Variants in ABCA4 observed in about 807,000 individuals in gnomAD.
ABCA4 encodes retinal-specific phospholipid-transporting ATPase ABCA4.
A neutral mutation model predicts 263.7 loss-of-function variants in ABCA4; 196 were observed. That is an observed-to-expected ratio of 0.74 (90% CI 0.66 to 0.84). ABCA4 has a LOEUF of 0.84. Among genes scored for constraint, ABCA4 ranks in the 40% least tolerant of loss-of-function variants. The probability of loss-of-function intolerance (pLI) is 0.00; values close to 1 mark genes in which losing one functional copy is unlikely to be tolerated. For missense variants in ABCA4, 2,792 were observed against 2,855.1 expected (o/e 0.98, Z 0.50); for synonymous variants, 1,133 against 1,094.2 (o/e 1.04, Z -0.70).
intron 44 of ABCA4, among the ~76,000 whole-genome samples, chr1:94,004,625 G>A (rs1659319624): frequency 6.6e-6 from 1 of 152,162 alleles, no homozygotes; most frequent in Admixed American, 6.5e-5. Flanking sequence ...TTAGTTTGCT[G>A]TCAGTGTTAG....
At chr1:94,101,766 A>C (rs1054135513) in intron 5 of ABCA4, among the ~76,000 whole-genome samples, 1 of 152,204 alleles carries the variant, frequency 6.6e-6, no homozygotes, top group African/African-American at 2.4e-5. Context: ...TGTGTTCATC[A>C]CACTGAAGAA....
At chr1:94,015,888 C>T (rs1386361121) in intron 36 of ABCA4, 34 bp from the exon 37 acceptor site, 2 of 1,564,306 alleles carry the variant, frequency 1.3e-6, no homozygotes, top group Non-Finnish European at 1.7e-6. Flanking sequence ...AGTCACTTAA[C>T]CTCTCAGACC....
intron 6 of ABCA4, among the ~76,000 whole-genome samples, chr1:94,089,610 C>T (rs10874831): frequency 0.27 from 41,482 of 151,782 alleles, 6,052 homozygotes; most frequent in East Asian, 0.5. Flanking sequence ...ACTACAGGTG[C>T]CCACCACATC....
chr1:94,075,800 A>T (rs1287358795), intron 11 of ABCA4, among the ~76,000 whole-genome samples: 1 of 152,120 alleles, frequency 6.6e-6, no homozygotes, highest in Non-Finnish European at 1.5e-5. Flanking sequence ...TGGGAGTATG[A>T]GGTTGAGAAT....
At chr1:94,064,767 C>T (rs760886153) in intron 11 of ABCA4, among the ~76,000 whole-genome samples, 1 of 152,076 alleles carries the variant, frequency 6.6e-6, no homozygotes, top group Admixed American at 6.5e-5. Context: ...GTTTGCCCTG[C>T]GGGACTCAGT....
chr1:94,046,965 T>A lies in ABCA4; in HGVS notation c.2872A>T (p.Ile958Phe). 1 of 1,614,120 alleles carries A rather than the reference T, an allele frequency of 6.2e-7. No homozygotes were observed. ...CCATTGTGGCCCAGGAATGCGGTGA[T>A]CTGGTTCTCGTAGAAGGTGATGTTC... ...RLNITFYENQ[I>F]TAFLGHNGAG... Residue 958 changes from isoleucine (I) to phenylalanine (F), a missense_variant, in exon 19 of 50, where the codon ATC becomes TTC. Ile to Phe is a conservative substitution (Grantham distance 21). Transcript: ENST00000370225.
rs770565005 is a variant in ABCA4 at position 94,060,753 on chromosome 1, C to A, written c.1944G>T (p.Met648Ile). 26 of 1,610,590 alleles carry A rather than the reference C, an allele frequency of 1.6e-5. No homozygotes were observed. In the South Asian group the frequency reaches 2.9e-4, roughly 18 times the overall value. The change falls in exon 14 of 50, where the codon ATG becomes ATT. Residue 648 changes from methionine to isoleucine, a missense_variant. Transcript: ENST00000370225. Reference protein sequence around the residue: ...PYPCFVDDSFMIILNRCFPIF... With the variant: ...PYPCFVDDSFIIILNRCFPIF... ...TAGGGAAACAGCGGTTCAGGATGATCATGAAACTAAAGCAAAAGGAGAGAA... is the reference window on the plus strand; with the variant it reads ...TAGGGAAACAGCGGTTCAGGATGATAATGAAACTAAAGCAAAAGGAGAGAA...
intron 26 of ABCA4, among the ~76,000 whole-genome samples, chr1:94,035,594 C>CATAGAAAGGAAAGG (rs1660314798): frequency 6.6e-6 from 1 of 152,162 alleles, no homozygotes; most frequent in South Asian, 2.1e-4. Context: ...AGAAAGGAAA[C>CATAGAAAGGAAAGG]ACTCCAACAG....
At chr1:94,006,360 A>G (rs1192888997) in intron 43 of ABCA4, among the ~76,000 whole-genome samples, 1 of 152,168 alleles carries the variant, frequency 6.6e-6, no homozygotes, top group Non-Finnish European at 1.5e-5. Flanking sequence ...CCTACCATAT[A>G]ATCCCAATTC....
chr1:94,107,053 G>T (rs202078738), intron 4 of ABCA4, among the ~76,000 whole-genome samples: 1 of 152,164 alleles, frequency 6.6e-6, no homozygotes, highest in South Asian at 2.1e-4. Flanking sequence ...GCACGGGAAG[G>T]TGCCCCCGGG....
At chr1:94,042,577 T>C (rs1660522066) in intron 22 of ABCA4, among the ~76,000 whole-genome samples, 184 bp downstream of exon 22, 1 of 152,200 alleles carries the variant, frequency 6.6e-6, no homozygotes, top group Non-Finnish European at 1.5e-5. Context: ...TCTCTGTTTA[T>C]ATTTGTAAAA....
intron 38 of ABCA4, among the ~76,000 whole-genome samples, chr1:94,012,100 G>A (rs1006239633): frequency 2.0e-5 from 3 of 152,146 alleles, no homozygotes; most frequent in African/African-American, 7.2e-5. Context: ...AGGCGTACGA[G>A]GCCAGCATAG....
At chr1:94,002,228 G>A (rs948557433) in intron 44 of ABCA4, among the ~76,000 whole-genome samples, 6 of 152,214 alleles carry the variant, frequency 3.9e-5, no homozygotes, top group Non-Finnish European at 2.9e-5. Flanking sequence ...TCTGTTGGGT[G>A]TAGCCGCCTG....
At chr1:94,097,276 C>G (rs1287129207) in intron 6 of ABCA4, among the ~76,000 whole-genome samples, 5 of 152,158 alleles carry the variant, frequency 3.3e-5, no homozygotes, top group African/African-American at 1.2e-4. Flanking sequence ...CGTAGAGTAA[C>G]TTTCCACGGA....
chr1:94,067,784 G>T (rs1376583088), intron 11 of ABCA4, among the ~76,000 whole-genome samples: 2 of 152,122 alleles, frequency 1.3e-5, no homozygotes, highest in African/African-American at 4.8e-5. Flanking sequence ...CTGGTCCAAG[G>T]ACTTTACTCA....
chr1:94,062,660 C>T lies in ABCA4; in HGVS notation c.1854G>A (p.Gly618=). The T allele has an allele frequency of 1.2e-6, 2 of 1,614,182 alleles. No homozygotes were observed. Among genetic ancestry groups the T allele is most frequent in the South Asian group, 1.1e-5 (1 of 91,082 alleles). The part of the protein sequence containing the change: ...FAYLQDMVEQ[G]ITRSQVQAEA... ...CCGCCTGCACCTGGCTCCTTGTGAT[C>T]CCCTGTTCAACCATGTCCTGCAGAT... is the stretch of plus-strand genomic sequence containing the variant. The change falls in exon 13 of 50, where the codon GGG becomes GGA. Residue 618 remains glycine, a synonymous_variant. Transcript: ENST00000370225.
intron 6 of ABCA4, among the ~76,000 whole-genome samples, chr1:94,083,910 C>T (rs547999040): frequency 4.6e-5 from 7 of 152,338 alleles, no homozygotes; most frequent in Non-Finnish European, 8.8e-5. Flanking sequence ...GTGTCTCTTC[C>T]TCCATTCAAC....
chr1:94,052,693 G>C (rs1357529565), intron 16 of ABCA4, among the ~76,000 whole-genome samples: 1 of 152,168 alleles, frequency 6.6e-6, no homozygotes, highest in Non-Finnish European at 1.5e-5. Context: ...CTTGTTCAAA[G>C]TCACTGTCAT....
At position 94,103,077 on chromosome 1, in the gene ABCA4, T is replaced by C; in HGVS notation, c.508A>G (p.Asn170Asp). Residue 170 changes from asparagine (N) to aspartate (D), a missense_variant, in exon 5 of 50, where the codon AAC (asparagine) becomes GAC (aspartate). Physicochemically the swap from Asn to Asp is conservative, Grantham distance 23. Coordinates refer to ENST00000370225, the MANE Select transcript of ABCA4 (RefSeq NM_000350.3). Reference sequence around the variant, plus strand: ...ACCACTGAGTCAGACAGGCCGATGTTTTTAATGAGAAATAGTGTCAGTGTT... The same window carrying C: ...ACCACTGAGTCAGACAGGCCGATGTCTTTAATGAGAAATAGTGTCAGTGTT... ...EETLTLFLIK[N>D]IGLSDSVVYL... 6.2e-7 allele frequency: 1 copy of C among 1,614,192 alleles called. No individual in the cohort carries two copies.
Sources: gnomAD v4.1 joint callset for allele counts (sites outside exome capture counted in the v4.1 genomes callset) on GRCh38, gnomAD v4.1.1 for gene constraint, MANE v1.5 for transcripts, NCBI Gene and HGNC (gene_info 2026-07-23, HGNC 2026-07-21) for gene names.